The following NOVA2 variants were observed in gnomAD, a reference collection of about 807,000 sequenced individuals.
NOVA2 encodes NOVA alternative splicing regulator 2, also known as RNA-binding protein Nova-2.
NOVA2 carries 9 observed loss-of-function variants against 22.5 expected under a neutral mutation model. That is an observed-to-expected ratio of 0.40 (90% CI 0.24 to 0.70). NOVA2 has a LOEUF of 0.70. NOVA2 is among the 30% of genes least tolerant of loss of function. The pLI is 0.38. For missense variants in NOVA2, 383 were observed against 682.8 expected, an observed-to-expected ratio of 0.56 and a Z score of 4.89; for synonymous variants, 318 against 335.2, an observed-to-expected ratio of 0.95 and a Z score of 0.56.
intron 1 of NOVA2, among the ~76,000 whole-genome samples, chr19:45,965,665 G>A (rs1351935653): frequency 6.6e-6 from 1 of 152,174 alleles, no homozygotes; most frequent in African/African-American, 2.4e-5. Context: ...AGGAGGCAGA[G>A]GTTGCAGTGA....
At chr19:45,961,454 C>T (rs745312983) in intron 1 of NOVA2, among the ~76,000 whole-genome samples, 1 of 151,452 alleles carries the variant, frequency 6.6e-6, no homozygotes, top group Non-Finnish European at 1.5e-5. Context: ...TAGCTACATT[C>T]TTCTAGGTGG....
At chr19:45,951,882 T>C (rs774363679) in intron 3 of NOVA2, among the ~76,000 whole-genome samples, 2 of 152,164 alleles carry the variant, frequency 1.3e-5, no homozygotes, top group Non-Finnish European at 2.9e-5. Flanking sequence ...TTGAAAAATT[T>C]GGAAGATGTG....
At position 45,973,520 on chromosome 19, in the gene NOVA2, C is replaced by T. The variant is rs1396451345; in HGVS notation, c.-169G>A. ...CGGAGGCCGTGAAGAGGCCGTGCAC[C>T]GCGCCGGCGGCCATCATCCTCATGG... On this transcript the variant is annotated 5_prime_UTR_variant, in exon 1 of 4. Coordinates refer to ENST00000263257, the MANE Select transcript of NOVA2 (RefSeq NM_002516.4). 8.8e-6 allele frequency: 1 copy of T among 113,448 alleles called. No individual in the cohort carries two copies. Among genetic ancestry groups the T allele is most frequent in the African/African-American group, 3.4e-5 (1 of 29,528 alleles). The allele number at this position is 113,448 out of a possible 1,614,324, so 7.0% of individuals were successfully genotyped here.
intron 3 of NOVA2, among the ~76,000 whole-genome samples, chr19:45,950,137 C>T (rs1342575232): frequency 6.6e-6 from 1 of 151,408 alleles, no homozygotes; most frequent in Non-Finnish European, 1.5e-5. Context: ...ATAACCACAC[C>T]TACCCTATAT....
chr19:45,940,414 C>A lies in NOVA2; in HGVS notation c.928G>T (p.Ala310Ser). Reference protein sequence around the residue: ...LNSAAASGVLAAVAAGANPAA... With the variant: ...LNSAAASGVLSAVAAGANPAA... ...GGGTTGGCCCCGGCGGCCACGGCGG[C>A]CAGGACGCCGGAAGCTGCGGCCGAG... The change falls in exon 4 of 4, where the codon GCC (alanine) becomes TCC (serine). Residue 310 changes from alanine to serine, a missense_variant. Coordinates refer to ENST00000263257, the MANE Select transcript of NOVA2 (RefSeq NM_002516.4). The A allele has an allele frequency of 6.8e-7, 1 of 1,477,350 alleles. No homozygotes were observed. Among genetic ancestry groups the A allele is most frequent in the South Asian group, 1.3e-5 (1 of 79,584 alleles). The allele number at this position is 1,477,350 out of a possible 1,614,324, so 91.5% of individuals were successfully genotyped here.
intron 3 of NOVA2, among the ~76,000 whole-genome samples, chr19:45,942,145 C>G (rs1226702035): frequency 1.3e-5 from 2 of 152,216 alleles, no homozygotes; most frequent in African/African-American, 4.8e-5. Flanking sequence ...TCGTTGAACT[C>G]TCTGTTGTTA....
intron 3 of NOVA2, among the ~76,000 whole-genome samples, chr19:45,947,482 T>G (rs890382649): frequency 6.6e-6 from 1 of 151,010 alleles, no homozygotes; most frequent in Non-Finnish European, 1.5e-5. Flanking sequence ...TTTTTTTTTT[T>G]CTTTTTTTTG....
At chr19:45,963,947 G>A (rs959030913) in intron 1 of NOVA2, among the ~76,000 whole-genome samples, 10 of 152,080 alleles carry the variant, frequency 6.6e-5, no homozygotes, top group East Asian at 1.9e-4. Context: ...CAGAGTAACT[G>A]ATCACAGAGG....
rs147298586 is a variant in NOVA2 at position 45,955,713 on chromosome 19, C to T, written c.230-1767G>A. On this transcript the variant is annotated intron_variant, in intron 2 of 3. Transcript: ENST00000263257. Reference sequence around the variant, plus strand: ...TTTCTACTAAAAATACAAGAATTAGCTGGGCGTGGTGGCACGCACCTGTAG... The same window carrying T: ...TTTCTACTAAAAATACAAGAATTAGTTGGGCGTGGTGGCACGCACCTGTAG... 1.5e-4 allele frequency among the ~76,000 whole-genome samples: 23 copies of T among 152,186 alleles called. No individual in the cohort carries two copies. In the East Asian group the frequency reaches 4.4e-3, roughly 29 times the overall value.
At chr19:45,945,542 T>A (rs1471131711) in intron 3 of NOVA2, among the ~76,000 whole-genome samples, 1 of 152,014 alleles carries the variant, frequency 6.6e-6, no homozygotes, top group African/African-American at 2.4e-5. Flanking sequence ...TGGGCTCAAG[T>A]GATCCTCCGG....
chr19:45,956,770 A>G (rs568841154), intron 2 of NOVA2, among the ~76,000 whole-genome samples: 11 of 152,356 alleles, frequency 7.2e-5, no homozygotes, highest in African/African-American at 2.6e-4. Context: ...CACTTTATAC[A>G]TACGTGTTCA....
chr19:45,942,788 T>C (rs1007943975), intron 3 of NOVA2, among the ~76,000 whole-genome samples: 6 of 152,184 alleles, frequency 3.9e-5, no homozygotes, highest in African/African-American at 1.4e-4. Flanking sequence ...CAATCTTAAT[T>C]CCTGTGGAGA....
intron 2 of NOVA2, among the ~76,000 whole-genome samples, chr19:45,956,470 CTTT>C (rs34559909): frequency 6.1e-5 from 9 of 148,400 alleles, no homozygotes; most frequent in East Asian, 5.9e-4. Context: ...ATTCTAAGCA[CTTT>C]TTTTTTTTTT....
chr19:45,963,475 C>T lies in NOVA2; in HGVS notation c.86-2322G>A, dbSNP rs564590305. ...CTTAAACGTGCCCTGCTCCTTCCCA[C>T]CTTAGGGCTTTTGTGCATGCTCTGT... is the stretch of plus-strand genomic sequence containing the variant. On this transcript the variant is annotated intron_variant, in intron 1 of 3. Transcript: ENST00000263257. 2.6e-5 allele frequency among the ~76,000 whole-genome samples: 4 copies of T among 152,158 alleles called. No individual in the cohort carries two copies. The East Asian group carries it at 7.7e-4, about 29-fold the overall frequency.
chr19:45,963,626 G>A (rs1238848136), intron 1 of NOVA2, among the ~76,000 whole-genome samples: 1 of 150,896 alleles, frequency 6.6e-6, no homozygotes, highest in South Asian at 2.1e-4. Flanking sequence ...CCGCCTCTCC[G>A]ATTCACGCCA....
Position 45,937,381 on chromosome 19 carries a change from C to T in NOVA2, c.*2482G>A, listed in dbSNP as rs1312581231. 6.6e-6 allele frequency: 1 copy of T among 152,408 alleles called. No individual in the cohort carries two copies. The highest frequency in any genetic ancestry group is 6.5e-5 in the Admixed American group (1 of 15,274). The allele number at this position is 152,408 out of a possible 1,614,324, so 9.4% of individuals were successfully genotyped here. On this transcript the variant is annotated 3_prime_UTR_variant, in exon 4 of 4. Transcript: ENST00000263257. ...CCCACCTCCCCAGTCCCAGACCTTACTTCACTCTCCCTGGCTCCTTCCCTT... is the reference window on the plus strand; with the variant it reads ...CCCACCTCCCCAGTCCCAGACCTTATTTCACTCTCCCTGGCTCCTTCCCTT...
chr19:45,959,840 G>GAGAA (rs902489962), intron 2 of NOVA2, among the ~76,000 whole-genome samples: 1 of 151,084 alleles, frequency 6.6e-6, no homozygotes, highest in Non-Finnish European at 1.5e-5. Flanking sequence ...GAGAGAGAGA[G>GAGAA]AGAAAGAGAG....
chr19:45,961,574 C>G (rs1318845229), intron 1 of NOVA2, among the ~76,000 whole-genome samples: 1 of 151,956 alleles, frequency 6.6e-6, no homozygotes, highest in Non-Finnish European at 1.5e-5. Flanking sequence ...GAGAGGGAGG[C>G]CAGGGAAGCT....
At chr19:45,944,895 C>T (rs1967814618) in intron 3 of NOVA2, among the ~76,000 whole-genome samples, 2 of 152,154 alleles carry the variant, frequency 1.3e-5, no homozygotes, top group Admixed American at 6.6e-5. Context: ...ATTCCTTTTA[C>T]AGAAATGTCC....
Sources: allele counts gnomAD v4.1 joint callset (sites outside exome capture counted in the v4.1 genomes callset), GRCh38; gene constraint gnomAD v4.1.1; transcripts MANE v1.5; gene names NCBI Gene and HGNC (gene_info 2026-07-23, HGNC 2026-07-21).